The following LAMA3 variants were observed in gnomAD, a reference collection of about 807,000 sequenced individuals.
The protein encoded by LAMA3 is laminin subunit alpha 3.
In LAMA3, 281 loss-of-function variants were observed where a neutral mutation model predicts 402.0. That is an observed-to-expected ratio of 0.70 (90% confidence interval 0.63 to 0.77). The LOEUF (loss-of-function observed/expected upper bound fraction) is 0.77. Ranked by LOEUF, LAMA3 falls within the 30% of genes least tolerant of loss-of-function variation. LAMA3 has a pLI of 0.00. For synonymous variants in LAMA3, 1,431 were observed against 1,558.4 expected, an observed-to-expected ratio of 0.92 and a Z score of 1.93; for missense variants, 3,840 against 4,215.5, an observed-to-expected ratio of 0.91 and a Z score of 2.47.
At chr18:23,721,825 A>G (rs574197720) in intron 2 of LAMA3, among the ~76,000 whole-genome samples, 2 of 152,282 alleles carry the variant, frequency 1.3e-5, no homozygotes, top group East Asian at 3.9e-4. Flanking sequence ...ACCCTGTTTT[A>G]GAATCAGCCT....
chr18:23,720,823 A>G lies in LAMA3; in HGVS notation c.447+6751A>G, dbSNP rs186896960. Reference sequence around the variant, plus strand: ...TGGGGTGCTTTGAAGTAATTTATACATTAGGAAGAATCTGGAAATCAGGTG... The same window carrying G: ...TGGGGTGCTTTGAAGTAATTTATACGTTAGGAAGAATCTGGAAATCAGGTG... On this transcript the variant is annotated intron_variant, in intron 2 of 74. Transcript: ENST00000313654. 8.5e-3 allele frequency among the ~76,000 whole-genome samples: 1,300 copies of G among 152,238 alleles called. 13 individuals carry two copies. Among genetic ancestry groups the G allele is most frequent in the South Asian group, 0.066 (316 of 4,814 alleles).
In LAMA3 at chr18:23,750,846, T is replaced by C. The variant is rs923608746; in HGVS notation, c.685-72T>C. 3.2e-6 allele frequency: 5 copies of C among 1,553,554 alleles called. No homozygotes were observed. In the African/African-American group the frequency reaches 6.8e-5, roughly 21 times the overall value. ...CAAGTGCCTTGGGGCATGTGAGTTA[T>C]TTTTACTTACTTGCTGCTAAATTTT... On this transcript the variant is annotated intron_variant, in intron 4 of 74. Transcript: ENST00000313654.
chr18:23,888,052 A>T lies in LAMA3; in HGVS notation c.5304-1959A>T, dbSNP rs569360771. On this transcript the variant is annotated intron_variant, in intron 41 of 74. Transcript: ENST00000313654. ...TACTTTGTAATTATGCATCTATTAC[A>T]TGGGAAGTTTAGATGTAGGTAAGAA... is the stretch of plus-strand genomic sequence containing the variant. Among the ~76,000 whole-genome samples the T allele has an allele frequency of 2.6e-5, 4 of 152,372 alleles. No individual in the cohort carries two copies. In the South Asian group the frequency reaches 8.3e-4, roughly 32 times the overall value.
At chr18:23,872,845 C>T in intron 38 of LAMA3, 1 of 605,612 alleles carries the variant, frequency 1.7e-6, no homozygotes, top group South Asian at 1.9e-5. Context: ...ACAGGAATTA[C>T]AGAGCGGTGC....
chr18:23,755,399 A>G (rs2061825704), intron 6 of LAMA3, among the ~76,000 whole-genome samples: 1 of 152,226 alleles, frequency 6.6e-6, no homozygotes, highest in Non-Finnish European at 1.5e-5. Context: ...ATCCACTTCA[A>G]CATGACTGCC....
chr18:23,952,544 C>A (rs923833849), intron 73 of LAMA3, among the ~76,000 whole-genome samples: 4 of 152,178 alleles, frequency 2.6e-5, no homozygotes, highest in Non-Finnish European at 5.9e-5. Context: ...TAGCTGAGAT[C>A]ATTAACATGA....
chr18:23,768,049 C>T (rs1372892967), intron 8 of LAMA3, among the ~76,000 whole-genome samples: 1 of 151,896 alleles, frequency 6.6e-6, no homozygotes, highest in African/African-American at 2.4e-5. Context: ...ACCTAGGAAA[C>T]ACCATTCTGG....
rs200144011 is a variant in LAMA3 at position 23,758,483 on chromosome 18, C to A, written c.1035C>A (p.Ala345=). ...TGYNQRRWRP[A]AWEQSHECEA... is the part of the protein sequence containing the mutation. ...ACAATCAGAGGCGCTGGCGGCCCGC[C>A]GCTTGGGAGCAGAGCCACGAGTGTG... Residue 345 remains alanine, a synonymous_variant, in exon 7 of 75, where the codon GCC becomes GCA. Coordinates refer to ENST00000313654, the MANE Select transcript of LAMA3 (RefSeq NM_198129.4). The A allele has an allele frequency of 1.9e-6, 3 of 1,614,046 alleles. No homozygotes were observed. The highest frequency in any genetic ancestry group is 1.7e-5 in the Admixed American group (1 of 60,026).
At chr18:23,872,866 G>A (rs538658988) in intron 38 of LAMA3, 4 of 661,590 alleles carry the variant, frequency 6.0e-6, no homozygotes, top group South Asian at 3.6e-5. Flanking sequence ...GCTTACCTGC[G>A]GGACTGTTAT....
Position 23,749,518 on chromosome 18 carries a change from C to A in LAMA3, c.656C>A (p.Ser219Tyr), listed in dbSNP as rs2143549878. Residue 219 changes from serine (S) to tyrosine (Y), a missense_variant, in exon 4 of 75, where the codon TCC (serine) becomes TAC (tyrosine). Physicochemically the swap from Ser to Tyr is moderately radical, Grantham distance 144 (BLOSUM62 -2). This residue lies in a region of LAMA3 where 2,109 missense variants were observed against 2,376.0 expected (regional missense o/e 0.89). Transcript: ENST00000313654. ...GATGTACTTTGTGTTACTGAATATT[C>A]CCGTATTGTACCTTTGGAAAATGGT... ...DDDVLCVTEY[S>Y]RIVPLENGEV... 1.2e-6 allele frequency: 2 copies of A among 1,608,250 alleles called. No individual in the cohort carries two copies. The highest frequency in any genetic ancestry group is 1.7e-6 in the Non-Finnish European group (2 of 1,174,788).
intron 2 of LAMA3, among the ~76,000 whole-genome samples, chr18:23,743,995 A>G (rs977993447): frequency 6.6e-6 from 1 of 152,248 alleles, no homozygotes; most frequent in Non-Finnish European, 1.5e-5. Flanking sequence ...AAGAGTAAAC[A>G]TAAGTACTGA....
At chr18:23,758,349 C>A in intron 6 of LAMA3, 47 bp from the exon 7 acceptor site, 1 of 1,427,366 alleles carries the variant, frequency 7.0e-7, no homozygotes, top group Non-Finnish European at 9.8e-7. Context: ...AACTGATCCT[C>A]ATCAAAACTT....
rs527406134 is a variant in LAMA3, at chr18:23,919,178, G to C, written c.7924-1757G>C. ...AAATTGGTGTAACTCTGTTGTTTAT[G>C]GTTTGATCAACCTAAGCTGACTCCC... On this transcript the variant is annotated intron_variant, in intron 60 of 74. Transcript: ENST00000313654. 2.0e-5 allele frequency among the ~76,000 whole-genome samples: 3 copies of C among 152,252 alleles called. No homozygotes were observed. The South Asian group carries it at 6.2e-4, about 32-fold the overall frequency.
intron 12 of LAMA3, among the ~76,000 whole-genome samples, chr18:23,800,997 A>G (rs2062855901): frequency 1.3e-5 from 2 of 152,270 alleles, no homozygotes; most frequent in East Asian, 3.9e-4. Flanking sequence ...ACATGGGGGT[A>G]CAGGTCTATT....
intron 10 of LAMA3, 62 bp from the exon 11 acceptor site, chr18:23,777,495 A>T: frequency 8.8e-7 from 1 of 1,131,140 alleles, no homozygotes; most frequent in Non-Finnish European, 1.4e-6. Flanking sequence ...AGTACAACTT[A>T]ATGTTTTACT....
At chr18:23,849,923 GAA>G (rs2063906582) in intron 32 of LAMA3, among the ~76,000 whole-genome samples, 1 of 152,152 alleles carries the variant, frequency 6.6e-6, no homozygotes, top group Non-Finnish European at 1.5e-5. Context: ...GAAAATGTAA[GAA>G]AATTTACATT....
intron 34 of LAMA3, 40 bp downstream of exon 34, chr18:23,858,869 T>C (rs1434104077): frequency 6.2e-7 from 1 of 1,603,228 alleles, no homozygotes; most frequent in Non-Finnish European, 8.5e-7. Flanking sequence ...ATTTTGTACA[T>C]GGATTTGTTA....
intron 12 of LAMA3, among the ~76,000 whole-genome samples, chr18:23,784,615 C>G (rs1265990576): frequency 6.6e-6 from 1 of 152,128 alleles, no homozygotes; most frequent in Non-Finnish European, 1.5e-5. Context: ...AGACATGAGA[C>G]CACAAACCCC....
At chr18:23,795,115 T>C (rs972251056) in intron 12 of LAMA3, among the ~76,000 whole-genome samples, 2 of 152,202 alleles carry the variant, frequency 1.3e-5, no homozygotes, top group Non-Finnish European at 2.9e-5. Flanking sequence ...AGGAATCCCA[T>C]AGGCCCACTC....
Sources: gnomAD v4.1 joint callset for allele counts (sites outside exome capture counted in the v4.1 genomes callset) on GRCh38, gnomAD v4.1.1 for gene constraint, gnomAD v4.1.1 regional missense constraint, MANE v1.5 for transcripts, NCBI Gene and HGNC (gene_info 2026-07-23, HGNC 2026-07-21) for gene names.